Variants in IL2RA observed in about 807,000 individuals in gnomAD.
The protein encoded by IL2RA is interleukin 2 receptor subunit alpha, also known as interleukin-2 receptor subunit alpha.
In IL2RA, 24 loss-of-function variants were observed where a neutral mutation model predicts 37.8. The observed-to-expected ratio is 0.63, with a 90% CI of 0.46 to 0.89. The LOEUF (loss-of-function observed/expected upper bound fraction) is 0.89, where lower values mean the gene tolerates loss of function less well. Ranked by LOEUF, IL2RA falls within the 40% of genes least tolerant of loss-of-function variation. The probability of loss-of-function intolerance (pLI) is 0.00; values close to 1 mark genes in which losing one functional copy is unlikely to be tolerated. For synonymous variants in IL2RA, 125 were observed against 114.6 expected, an observed-to-expected ratio of 1.09 and a Z score of -0.58; for missense variants, 319 against 348.6, an observed-to-expected ratio of 0.92 and a Z score of 0.68.
rs916932655 is a variant in IL2RA at position 6,062,216 on chromosome 10, T to C, written c.-65A>G. On this transcript the variant is annotated 5_prime_UTR_variant, in exon 1 of 8. Coordinates refer to ENST00000379959, the MANE Select transcript of IL2RA (RefSeq NM_000417.3). Reference sequence around the variant, plus strand: ...GGTCTTTCTCTGCAGAAGGCCCAGTTGCCGTCAGCCTCTTTTTGGCATCGC... The same window carrying C: ...GGTCTTTCTCTGCAGAAGGCCCAGTCGCCGTCAGCCTCTTTTTGGCATCGC... 7.1e-6 allele frequency: 10 copies of C among 1,399,546 alleles called. No individual in the cohort carries two copies. In the East Asian group the frequency reaches 1.8e-4, roughly 26 times the overall value. The allele number at this position is 1,399,546 out of a possible 1,614,324, so 86.7% of individuals were successfully genotyped here.
rs80082229 is a variant in IL2RA, at chr10:6,037,612, A to T, written c.65-11587T>A. ...CAAGAGCTTGGGCCACTGGGTAAAG[A>T]GGGATCTGGTTCTTGCTCTAACGCG... On this transcript the variant is annotated intron_variant, in intron 1 of 7. Transcript: ENST00000379959. Among the ~76,000 whole-genome samples, 401 of 152,324 alleles carry T rather than the reference A, an allele frequency of 2.6e-3. 2 individuals carry two copies. Among genetic ancestry groups the T allele is most frequent in the Middle Eastern group, 0.017 (5 of 294 alleles).
intron 1 of IL2RA, among the ~76,000 whole-genome samples, chr10:6,037,306 C>T (rs548266867): frequency 6.6e-6 from 1 of 152,150 alleles, no homozygotes; most frequent in South Asian, 2.1e-4. Flanking sequence ...GCCCCTGGAG[C>T]CCATGTGAGC....
intron 1 of IL2RA, among the ~76,000 whole-genome samples, chr10:6,031,488 A>ATG (rs1839586231): frequency 3.4e-5 from 1 of 29,066 alleles, no homozygotes; most frequent in African/African-American, 1.4e-4. Flanking sequence ...ATATATATAT[A>ATG]TATATGTATA....
intron 1 of IL2RA, among the ~76,000 whole-genome samples, chr10:6,060,619 G>C (rs1004825163): frequency 2.6e-5 from 4 of 152,078 alleles, no homozygotes; most frequent in African/African-American, 9.7e-5. Context: ...GCTGGTCGTG[G>C]TGGTGCACGC....
chr10:6,038,010 G>A (rs74401337), intron 1 of IL2RA, among the ~76,000 whole-genome samples: 1 of 152,286 alleles, frequency 6.6e-6, no homozygotes, highest in African/African-American at 2.4e-5. Flanking sequence ...GTGCAAAAGG[G>A]ATGTAGAACA....
chr10:6,042,326 A>G (rs1839785457), intron 1 of IL2RA, among the ~76,000 whole-genome samples: 1 of 151,802 alleles, frequency 6.6e-6, no homozygotes, highest in Non-Finnish European at 1.5e-5. Flanking sequence ...AAGAATATCC[A>G]TTATTGATTA....
chr10:6,032,119 G>A (rs11816044), intron 1 of IL2RA, among the ~76,000 whole-genome samples: 40,238 of 150,186 alleles, frequency 0.27, 6,087 homozygotes, highest in Admixed American at 0.39. Flanking sequence ...AAATCTTTTC[G>A]ACAAATGCTT....
rs1839373767 is a variant in IL2RA, at chr10:6,020,898, C to T, written c.583+580G>A. 6.6e-6 allele frequency among the ~76,000 whole-genome samples: 1 copy of T among 151,788 alleles called. No homozygotes were observed. Among genetic ancestry groups the T allele is most frequent in the South Asian group, 2.1e-4 (1 of 4,802 alleles). On this transcript the variant is annotated intron_variant, in intron 4 of 7. Transcript: ENST00000379959. This position sits in a 1 kb window ranked among gnomAD's most constrained non-coding sequence, Gnocchi z 5.6. ...TTTCAGAAGGAAGACAGCAGGAGACCTCGACATCGGTGGGCTGAGCATTTG... is the reference window on the plus strand; with the variant it reads ...TTTCAGAAGGAAGACAGCAGGAGACTTCGACATCGGTGGGCTGAGCATTTG...
At chr10:6,031,825 A>AT (rs1839599324) in intron 1 of IL2RA, among the ~76,000 whole-genome samples, 1 of 152,104 alleles carries the variant, frequency 6.6e-6, no homozygotes, top group African/African-American at 2.4e-5. Flanking sequence ...ATCCAACACA[A>AT]TTTTTTAGTA....
intron 3 of IL2RA, among the ~76,000 whole-genome samples, chr10:6,023,463 G>A (rs1351696936): frequency 2.6e-5 from 4 of 152,160 alleles, no homozygotes; most frequent in African/African-American, 7.2e-5. Flanking sequence ...GGCCTCCTGA[G>A]TAGCTGGGAC....
At position 6,033,135 on chromosome 10, in the gene IL2RA, A is replaced by G. The variant is rs1311677803; in HGVS notation, c.65-7110T>C. Reference sequence around the variant, plus strand: ...CTCACGCCTGTAATCTCAGCACTTTAGGAGGCTGAGACAGGTGGATCATTT... The same window carrying G: ...CTCACGCCTGTAATCTCAGCACTTTGGGAGGCTGAGACAGGTGGATCATTT... On this transcript the variant is annotated intron_variant, in intron 1 of 7. Transcript: ENST00000379959. The surrounding 1 kb of genome is among the most constrained non-coding windows in gnomAD (Gnocchi z 4.3). 6.6e-6 allele frequency among the ~76,000 whole-genome samples: 1 copy of G among 152,086 alleles called. No individual in the cohort carries two copies. Among genetic ancestry groups the G allele is most frequent in the African/African-American group, 2.4e-5 (1 of 41,396 alleles).
At chr10:6,043,426 GT>G (rs1409472781) in intron 1 of IL2RA, among the ~76,000 whole-genome samples, 1 of 151,858 alleles carries the variant, frequency 6.6e-6, no homozygotes, top group Non-Finnish European at 1.5e-5. Context: ...GTATTTATTT[GT>G]TTTTGTTTGT....
In IL2RA at chr10:6,043,932, C is replaced by T. The variant is rs1462215489; in HGVS notation, c.65-17907G>A. On this transcript the variant is annotated intron_variant, in intron 1 of 7. Transcript: ENST00000379959. ...CTTGACAACCTCCCAAATGTTAATTCTTTACCAAAGCTTCTTCCAAAGGAA... is the reference window on the plus strand; with the variant it reads ...CTTGACAACCTCCCAAATGTTAATTTTTTACCAAAGCTTCTTCCAAAGGAA... Among the ~76,000 whole-genome samples the T allele has an allele frequency of 3.9e-5, 6 of 152,138 alleles. No individual in the cohort carries two copies. The East Asian group carries it at 1.2e-3, about 29-fold the overall frequency.
chr10:6,062,288 C>A lies in IL2RA; in HGVS notation c.-137G>T. On this transcript the variant is annotated 5_prime_UTR_variant, in exon 1 of 8. In the 5' UTR this introduces an upstream ATG that the reference lacks. Transcript: ENST00000379959. ...AGATCGGTCCGCCTGGGCTGTCACC[C>A]TTGTGGGTCCATCCAGTCTCTATCG... 2 of 710,476 alleles carry A rather than the reference C, an allele frequency of 2.8e-6. No homozygotes were observed. The highest frequency in any genetic ancestry group is 5.1e-6 in the Non-Finnish European group (2 of 394,912). The allele number at this position is 710,476 out of a possible 1,614,324, so 44.0% of individuals were successfully genotyped here.
Position 6,021,415 on chromosome 10 carries a change from T to C in IL2RA, c.583+63A>G. ...TTGTCCAGCAGGAGTGGTCAGGGAT[T>C]CCACTCTGGTCAGCCTGATGGAGCA... On this transcript the variant is annotated intron_variant, in intron 4 of 7. Coordinates refer to ENST00000379959, the MANE Select transcript of IL2RA (RefSeq NM_000417.3). This position sits in a 1 kb window ranked among gnomAD's most constrained non-coding sequence, Gnocchi z 4.9. 7.4e-7 allele frequency: 1 copy of C among 1,356,736 alleles called. No individual in the cohort carries two copies. The highest frequency in any genetic ancestry group is 1.1e-6 in the Non-Finnish European group (1 of 947,372). The allele number at this position is 1,356,736 out of a possible 1,614,324, so 84.0% of individuals were successfully genotyped here. A position where few individuals can be genotyped will look rare whatever the true frequency, so the allele number is the denominator to read the frequency against.
chr10:6,031,442 GTATATATATATACATATATATATATA>G (rs1165252805), intron 1 of IL2RA, among the ~76,000 whole-genome samples: 7 of 54,046 alleles, frequency 1.3e-4, no homozygotes, highest in African/African-American at 3.2e-4. Flanking sequence ...AGCAATTTCA[GTATATATATATACATATATATATATA>G]TATATATATA....
At chr10:6,055,798 C>T (rs1175889743) in intron 1 of IL2RA, among the ~76,000 whole-genome samples, 1 of 10,464 alleles carries the variant, frequency 9.6e-5, no homozygotes, top group Non-Finnish European at 2.9e-4. Context: ...AGGCGCCCCC[C>T]ACCTCCCGGA....
At chr10:6,032,223 G>T (rs967789546) in intron 1 of IL2RA, among the ~76,000 whole-genome samples, 5 of 151,868 alleles carry the variant, frequency 3.3e-5, no homozygotes, top group African/African-American at 1.2e-4. Context: ...CTATGTACTA[G>T]GTCTATATCT....
chr10:6,032,068 T>A (rs959874520), intron 1 of IL2RA, among the ~76,000 whole-genome samples: 1 of 152,088 alleles, frequency 6.6e-6, no homozygotes, highest in Non-Finnish European at 1.5e-5. Flanking sequence ...GCTTTTTTTT[T>A]AAACAAATAA....
Sources: allele counts gnomAD v4.1 joint callset (sites outside exome capture counted in the v4.1 genomes callset), GRCh38; gene constraint gnomAD v4.1.1; non-coding constraint Gnocchi (gnomAD v3.1); transcripts MANE v1.5; gene names NCBI Gene and HGNC (gene_info 2026-07-23, HGNC 2026-07-21).